CCDC90B: variants seen among roughly 807,000 people sequenced by gnomAD.
CCDC90B encodes the protein coiled-coil domain containing 90B.
A neutral mutation model predicts 37.0 loss-of-function variants in CCDC90B; 24 were observed. The observed-to-expected ratio is 0.65, with a 90% CI of 0.47 to 0.91. CCDC90B has a LOEUF of 0.91. Among genes scored for constraint, CCDC90B ranks in the 40% least tolerant of loss-of-function variants. The pLI is 0.00. For missense variants in CCDC90B, 319 were observed against 299.0 expected (o/e 1.07, Z -0.49); for synonymous variants, 113 against 101.1 (o/e 1.12, Z -0.71).
At chr11:83,285,383 A>G (rs1250208881) in intron 1 of CCDC90B, 2 of 1,168,212 alleles carry the variant, frequency 1.7e-6, no homozygotes, top group Non-Finnish European at 2.1e-6. Context: ...CCCAAAGTCT[A>G]CAATGTGACT....
In CCDC90B at chr11:83,280,334, TTCC is replaced by T. The variant is rs1182246594; in HGVS notation, c.101-77_101-75del. Reference sequence around the variant, plus strand: ...AAGCTACTTTAGCTTACAAAGCATTTTCCCCATCCATTTATAATATAGTTCCAG... The same window carrying T: ...AAGCTACTTTAGCTTACAAAGCATTTCCATCCATTTATAATATAGTTCCAG... On this transcript the variant is annotated intron_variant, in intron 1 of 8. Coordinates refer to ENST00000529689, the MANE Select transcript of CCDC90B (RefSeq NM_021825.5). The T allele has an allele frequency of 6.7e-6, 9 of 1,345,832 alleles. No individual in the cohort carries two copies. In the African/African-American group the frequency reaches 1.2e-4, roughly 17 times the overall value. The allele number at this position is 1,345,832 out of a possible 1,614,324, so 83.4% of individuals were successfully genotyped here.
Position 83,260,881 on chromosome 11 carries a change from T to C in CCDC90B, c.*1030A>G, listed in dbSNP as rs912990929. ...CTATGAGTTTCTTGAGAGTAGGTAC[T>C]AGATATCAATGTTTGCTGAATTGAA... On this transcript the variant is annotated 3_prime_UTR_variant, in exon 9 of 9. Transcript: ENST00000529689. 2 of 152,216 alleles carry C rather than the reference T, an allele frequency of 1.3e-5. No individual in the cohort carries two copies. The highest frequency in any genetic ancestry group is 1.3e-4 in the Admixed American group (2 of 15,288). 9.4% of individuals were successfully genotyped at this position (152,216 alleles called of 1,614,324 possible).
At position 83,260,602 on chromosome 11, in the gene CCDC90B, C is replaced by G. The variant is rs1445836707; in HGVS notation, c.*1309G>C. 6.6e-6 allele frequency: 1 copy of G among 152,156 alleles called. No homozygotes were observed. Among genetic ancestry groups the G allele is most frequent in the Non-Finnish European group, 1.5e-5 (1 of 68,040 alleles). The allele number at this position is 152,156 out of a possible 1,614,324, so 9.4% of individuals were successfully genotyped here. A position where few individuals can be genotyped will look rare whatever the true frequency, so the allele number is the denominator to read the frequency against. The stretch of plus-strand genomic sequence containing the variant: ...TCTTGACTGCTCTATACTGCAGATT[C>G]CCTGTTTATAGCTAAACAAATGACA... On this transcript the variant is annotated 3_prime_UTR_variant, in exon 9 of 9. Coordinates refer to ENST00000529689, the MANE Select transcript of CCDC90B (RefSeq NM_021825.5).
chr11:83,263,906 A>G (rs1169921146), intron 8 of CCDC90B, among the ~76,000 whole-genome samples: 1 of 152,144 alleles, frequency 6.6e-6, no homozygotes, highest in Non-Finnish European at 1.5e-5. Context: ...TCCATCTTCA[A>G]CCCTGCTGGC....
At chr11:83,279,995 CA>C (rs1865290512) in intron 2 of CCDC90B, 145 bp downstream of exon 2, 1 of 679,826 alleles carries the variant, frequency 1.5e-6, no homozygotes. Flanking sequence ...CAAACAGTAT[CA>C]TTTTTAGTGA....
chr11:83,264,372 CA>C (rs530823835), intron 8 of CCDC90B, among the ~76,000 whole-genome samples: 2 of 152,210 alleles, frequency 1.3e-5, no homozygotes, highest in African/African-American at 4.8e-5. Flanking sequence ...TGTTTATATA[CA>C]GAAGAAAAAG....
At chr11:83,275,497 GGTAACT>G (rs1393562370) in intron 3 of CCDC90B, among the ~76,000 whole-genome samples, 2 of 149,352 alleles carry the variant, frequency 1.3e-5, no homozygotes, top group Non-Finnish European at 3.0e-5. Flanking sequence ...ATGCTCAACT[GGTAACT>G]GTATTGCAAA....
chr11:83,279,204 C>T (rs1005978362), intron 2 of CCDC90B, among the ~76,000 whole-genome samples: 19 of 152,070 alleles, frequency 1.2e-4, no homozygotes, highest in South Asian at 2.1e-4. Context: ...TGGTGTGAAC[C>T]TGGGAGGCAG....
intron 7 of CCDC90B, among the ~76,000 whole-genome samples, chr11:83,272,930 G>T (rs1315937912): frequency 6.6e-6 from 1 of 152,128 alleles, no homozygotes; most frequent in African/African-American, 2.4e-5. Flanking sequence ...TAGAATCCAG[G>T]TTCTTTTCCC....
intron 8 of CCDC90B, among the ~76,000 whole-genome samples, chr11:83,265,374 A>C (rs1473587748): frequency 6.6e-6 from 1 of 152,130 alleles, no homozygotes; most frequent in Non-Finnish European, 1.5e-5. Flanking sequence ...ACCTCTTTCA[A>C]ATCTTTATGG....
intron 1 of CCDC90B, among the ~76,000 whole-genome samples, chr11:83,282,857 C>T (rs932289982): frequency 6.6e-6 from 1 of 152,166 alleles, no homozygotes; most frequent in Non-Finnish European, 1.5e-5. Context: ...CAGTTGTCTC[C>T]CCAAGAGACC....
intron 2 of CCDC90B, among the ~76,000 whole-genome samples, 166 bp downstream of exon 2, chr11:83,279,975 A>G (rs1865289241): frequency 6.6e-6 from 1 of 152,146 alleles, no homozygotes; most frequent in South Asian, 2.1e-4. Flanking sequence ...CCATATCAGT[A>G]AATATTTCTC....
chr11:83,280,450 C>T (rs509815), intron 1 of CCDC90B, among the ~76,000 whole-genome samples, 190 bp from the exon 2 acceptor site: 106,534 of 152,132 alleles, frequency 0.7, 37,864 homozygotes, highest in Middle Eastern at 0.84. Context: ...CTTCTGTACA[C>T]ACCAAACATT....
At chr11:83,274,319 TAAATA>T (rs767898153) in intron 4 of CCDC90B, 90 of 277,004 alleles carry the variant, frequency 3.2e-4, no homozygotes, top group East Asian at 2.9e-3. Context: ...AGTACAGGAT[TAAATA>T]AAATAGAAAA....
At chr11:83,285,774 T>C in intron 1 of CCDC90B, 99 bp downstream of exon 1, 1 of 1,490,204 alleles carries the variant, frequency 6.7e-7, no homozygotes, top group Non-Finnish European at 8.9e-7. Context: ...GAGGAGGGCG[T>C]GGCACCTTCT....
intron 7 of CCDC90B, among the ~76,000 whole-genome samples, chr11:83,267,922 C>T (rs1864389431): frequency 1.3e-5 from 2 of 152,148 alleles, no homozygotes; most frequent in African/African-American, 2.4e-5. Flanking sequence ...TGGCAGAAAC[C>T]CTACAAGCCA....
rs146399577 is a variant in CCDC90B at position 83,263,346 on chromosome 11, G to A, written c.710-1380C>T. Among the ~76,000 whole-genome samples the A allele has an allele frequency of 1.6e-4, 25 of 152,254 alleles. 1 individual carries two copies. Among genetic ancestry groups the A allele is most frequent in the African/African-American group, 5.3e-4 (22 of 41,544 alleles). ...AGTTTCTCTCTCATGTCTTGCTGCTGTTATTTCAGCTTTTATTTCTCATGG... is the reference window on the plus strand; with the variant it reads ...AGTTTCTCTCTCATGTCTTGCTGCTATTATTTCAGCTTTTATTTCTCATGG... On this transcript the variant is annotated intron_variant, in intron 8 of 8. Coordinates refer to ENST00000529689, the MANE Select transcript of CCDC90B (RefSeq NM_021825.5).
rs1865673689 is a variant in CCDC90B at position 83,286,054 on chromosome 11, C to G, written c.-82G>C. ...CTTTCGGGCAAGGTAGTTCTGGCAC[C>G]ACAGGAATGCTGGGAATTGTAGTTT... is the stretch of plus-strand genomic sequence containing the variant. On this transcript the variant is annotated 5_prime_UTR_variant, in exon 1 of 9. Transcript: ENST00000529689. 1.9e-6 allele frequency: 3 copies of G among 1,545,552 alleles called. No individual in the cohort carries two copies. Among genetic ancestry groups the G allele is most frequent in the Non-Finnish European group, 2.6e-6 (3 of 1,147,968 alleles).
intron 7 of CCDC90B, among the ~76,000 whole-genome samples, chr11:83,269,330 A>G (rs1161903192): frequency 6.6e-6 from 1 of 152,090 alleles, no homozygotes; most frequent in African/African-American, 2.4e-5. Context: ...GAGATAAGAG[A>G]CACAACAAAC....
Sources: gnomAD v4.1 joint callset for allele counts (sites outside exome capture counted in the v4.1 genomes callset) on GRCh38, gnomAD v4.1.1 for gene constraint, MANE v1.5 for transcripts, NCBI Gene and HGNC (gene_info 2026-07-23, HGNC 2026-07-21) for gene names.